The following ENTREP2 variants were observed in gnomAD, a reference collection of about 807,000 sequenced individuals.
ENTREP2 encodes the protein endosomal transmembrane epsin interactor 2.
At chr15:29,152,792 G>A in the ENTREP2 span, among the ~76,000 whole-genome samples, 1 of 152,148 alleles carries the variant, frequency 6.6e-6, no homozygotes, top group Non-Finnish European at 1.5e-5. Context: ...GTTTCTCCGA[G>A]ATAAATGTCC....
At chr15:29,293,396 C>T in the ENTREP2 span, among the ~76,000 whole-genome samples, 5 of 151,810 alleles carry the variant, frequency 3.3e-5, no homozygotes, top group East Asian at 9.7e-4. Flanking sequence ...TACAGGCGCC[C>T]GCCACCATGC....
At chr15:29,352,437 T>C in the ENTREP2 span, among the ~76,000 whole-genome samples, 1 of 152,238 alleles carries the variant, frequency 6.6e-6, no homozygotes, top group African/African-American at 2.4e-5. Context: ...TTATTGTTTT[T>C]GACAGTTGCC....
the ENTREP2 span, among the ~76,000 whole-genome samples, chr15:29,174,713 A>AAAAAAAAAAAAAAC: frequency 6.7e-6 from 1 of 149,978 alleles, no homozygotes; most frequent in African/African-American, 2.4e-5. Context: ...AAAACAACAA[A>AAAAAAAAAAAAAAC]AAAAAAAAAG....
At chr15:29,657,670 G>T in the ENTREP2 span, among the ~76,000 whole-genome samples, 4 of 151,968 alleles carry the variant, frequency 2.6e-5, no homozygotes, top group East Asian at 7.7e-4. Flanking sequence ...GTTTTACAGA[G>T]CGCCGATTGG....
At chr15:29,381,872 A>G in the ENTREP2 span, 1 of 1,531,752 alleles carries the variant, frequency 6.5e-7, no homozygotes, top group Non-Finnish European at 8.9e-7. Context: ...ATGCTTCCGA[A>G]ACCTTGCATG....
At chr15:29,493,035 A>G in the ENTREP2 span, among the ~76,000 whole-genome samples, 11 of 149,100 alleles carry the variant, frequency 7.4e-5, no homozygotes, top group Non-Finnish European at 1.5e-4. Context: ...GAAATAAATT[A>G]TTTTAAATAA....
chr15:29,319,112 AG>A, the ENTREP2 span, among the ~76,000 whole-genome samples: 3 of 152,234 alleles, frequency 2.0e-5, no homozygotes, highest in Non-Finnish European at 4.4e-5. Context: ...GAGCCCTGAG[AG>A]GAAGTGCCAG....
chr15:29,136,516 T>C, the ENTREP2 span: 1 of 1,546,216 alleles, frequency 6.5e-7, no homozygotes. Flanking sequence ...AAAGACAGAA[T>C]CATCACATCG....
the ENTREP2 span, among the ~76,000 whole-genome samples, chr15:29,644,541 G>T: frequency 3.5e-4 from 54 of 152,276 alleles, no homozygotes; most frequent in Non-Finnish European, 3.8e-4. Flanking sequence ...GGTGGCCCAC[G>T]CCTGTAATCC....
chr15:29,216,985 T>C, the ENTREP2 span, among the ~76,000 whole-genome samples: 1 of 152,230 alleles, frequency 6.6e-6, no homozygotes, highest in African/African-American at 2.4e-5. Flanking sequence ...GGGCTCGATT[T>C]AACTTTTATA....
the ENTREP2 span, among the ~76,000 whole-genome samples, chr15:29,431,745 C>A: frequency 6.6e-6 from 1 of 152,150 alleles, no homozygotes; most frequent in African/African-American, 2.4e-5. Flanking sequence ...TAAAATAAAT[C>A]TTAGCCTATG....
At chr15:29,405,845 G>C in the ENTREP2 span, among the ~76,000 whole-genome samples, 1 of 152,372 alleles carries the variant, frequency 6.6e-6, no homozygotes, top group African/African-American at 2.4e-5. Flanking sequence ...CTCCTGACCA[G>C]CTTCACAGCC....
chr15:29,544,930 C>A, the ENTREP2 span, among the ~76,000 whole-genome samples: 1 of 152,264 alleles, frequency 6.6e-6, no homozygotes, highest in South Asian at 2.1e-4. Flanking sequence ...ATCTGCATGG[C>A]AGTACCACAG....
the ENTREP2 span, among the ~76,000 whole-genome samples, chr15:29,384,372 C>T: frequency 6.6e-6 from 1 of 152,184 alleles, no homozygotes; most frequent in African/African-American, 2.4e-5. Context: ...CCCTCCATTT[C>T]CCGGTTCATC....
At chr15:29,390,459 T>A in the ENTREP2 span, among the ~76,000 whole-genome samples, 1 of 152,146 alleles carries the variant, frequency 6.6e-6, no homozygotes, top group Non-Finnish European at 1.5e-5. Context: ...AGGCATGATA[T>A]TGCTCAAGGA....
chr15:29,192,993 A>T, the ENTREP2 span, among the ~76,000 whole-genome samples: 1 of 152,326 alleles, frequency 6.6e-6, no homozygotes, highest in African/African-American at 2.4e-5. Flanking sequence ...GATAATAAAC[A>T]TCTATGAAAA....
At chr15:29,350,681 G>A in the ENTREP2 span, among the ~76,000 whole-genome samples, 2 of 152,246 alleles carry the variant, frequency 1.3e-5, no homozygotes, top group Admixed American at 1.3e-4. Context: ...GGTGGCTCAC[G>A]CCTGTAATCT....
chr15:29,648,062 A>G, the ENTREP2 span, among the ~76,000 whole-genome samples: 4 of 151,490 alleles, frequency 2.6e-5, no homozygotes, highest in Non-Finnish European at 5.9e-5. Flanking sequence ...TCTAAATCAC[A>G]ACAGGCCCCA....
the ENTREP2 span, among the ~76,000 whole-genome samples, chr15:29,659,613 T>C: frequency 0.1 from 15,888 of 152,198 alleles, 1,458 homozygotes; most frequent in African/African-American, 0.25. Flanking sequence ...TAAAGGTAAC[T>C]ACTATCATAC....
Sources: gnomAD v4.1 joint callset for allele counts (sites outside exome capture counted in the v4.1 genomes callset) on GRCh38, gnomAD v4.1.1 for gene constraint, MANE v1.5 for transcripts, NCBI Gene and HGNC (gene_info 2026-07-23, HGNC 2026-07-21) for gene names.